CACNA2D4: variants seen among roughly 807,000 people sequenced by gnomAD.
CACNA2D4 encodes the protein calcium voltage-gated channel auxiliary subunit alpha2delta 4, also known as voltage-dependent calcium channel subunit alpha-2/delta-4.
Under a neutral mutation model 163.8 loss-of-function variants are expected in CACNA2D4, and 157 were observed. That is an observed-to-expected ratio of 0.96 (90% CI 0.84 to 1.09). CACNA2D4 has a LOEUF of 1.09. Among genes scored for constraint, CACNA2D4 ranks in the 50% least tolerant of loss-of-function variants. CACNA2D4 has a pLI of 0.00. For synonymous variants in CACNA2D4, 598 were observed against 586.9 expected, an observed-to-expected ratio of 1.02 and a Z score of -0.27; for missense variants, 1,410 against 1,479.9, an observed-to-expected ratio of 0.95 and a Z score of 0.78.
chr12:1,869,440 C>T lies in CACNA2D4; in HGVS notation c.1878+5164G>A, dbSNP rs1592722431. On this transcript the variant is annotated intron_variant, in intron 18 of 37. Transcript: ENST00000382722. The surrounding 1 kb of genome is among the most constrained non-coding windows in gnomAD (Gnocchi z 4.7). ...CCTGAGACCTAACCTGGTGAGGATGCAGCTCCTCATGGAAGGCACTGGCTC... is the reference window on the plus strand; with the variant it reads ...CCTGAGACCTAACCTGGTGAGGATGTAGCTCCTCATGGAAGGCACTGGCTC... Among the ~76,000 whole-genome samples the T allele has an allele frequency of 6.6e-6, 1 of 152,254 alleles. No homozygotes were observed. The highest frequency in any genetic ancestry group is 1.5e-5 in the Non-Finnish European group (1 of 68,048).
chr12:1,856,107 A>G lies in CACNA2D4; in HGVS notation c.2057T>C (p.Ile686Thr), dbSNP rs1865393716. 6.2e-7 allele frequency: 1 copy of G among 1,613,836 alleles called. No individual in the cohort carries two copies. The change falls in exon 22 of 38, where the codon ATC becomes ACC. Residue 686 changes from isoleucine to threonine, a missense_variant and splice_region_variant. Ile to Thr is a moderately conservative substitution (Grantham distance 89). Coordinates refer to ENST00000382722, the MANE Select transcript of CACNA2D4 (RefSeq NM_172364.5). ...TGGGTCAATATCTGTGATGCAGTAGATCCTGAAACCCAGGAAAGTCAGTGT... is the reference window on the plus strand; with the variant it reads ...TGGGTCAATATCTGTGATGCAGTAGGTCCTGAAACCCAGGAAAGTCAGTGT... Reference protein sequence around the residue: ...HPDLALAGDWIYCITDIDPDH... With the variant: ...HPDLALAGDWTYCITDIDPDH...
In CACNA2D4 at chr12:1,831,103, A is replaced by G. The variant is rs200024746; in HGVS notation, c.2551+9636T>C. The G allele has an allele frequency of 4.3e-4, 694 of 1,614,050 alleles. 2 individuals are homozygous for G. The highest frequency in any genetic ancestry group is 3.3e-3 in the Middle Eastern group (20 of 6,062). On this transcript the variant is annotated intron_variant, in intron 26 of 37. Transcript: ENST00000382722. ...CGAACCCTCTTGCTCTTGAACAATAAGCTGAGTGCCCTGCCAAGCTGGGCT... is the reference window on the plus strand; with the variant it reads ...CGAACCCTCTTGCTCTTGAACAATAGGCTGAGTGCCCTGCCAAGCTGGGCT...
At chr12:1,893,289 G>A (rs185847721) in intron 6 of CACNA2D4, among the ~76,000 whole-genome samples, 30 of 152,176 alleles carry the variant, frequency 2.0e-4, no homozygotes, top group East Asian at 7.7e-4. Flanking sequence ...GGGCTGAGGC[G>A]GGTGGATCAC....
At position 1,820,508 on chromosome 12, in the gene CACNA2D4, G is replaced by C. The variant is rs913777422; in HGVS notation, c.2552-8785C>G. ...ACTCTGGCTCGCTGCTCGCGCACAC[G>C]CGTGCGCTCTCCTCCCTCGCCCCTT... is the stretch of plus-strand genomic sequence containing the variant. On this transcript the variant is annotated intron_variant, in intron 26 of 37. Coordinates refer to ENST00000382722, the MANE Select transcript of CACNA2D4 (RefSeq NM_172364.5). The surrounding 1 kb of genome is among the most constrained non-coding windows in gnomAD (Gnocchi z 6.0). 4 of 152,338 alleles carry C rather than the reference G, an allele frequency of 2.6e-5. No individual in the cohort carries two copies. Among genetic ancestry groups the C allele is most frequent in the African/African-American group, 9.7e-5 (4 of 41,444 alleles). The allele number at this position is 152,338 out of a possible 1,614,324, so 9.4% of individuals were successfully genotyped here.
rs547345838 is a variant in CACNA2D4, at chr12:1,802,228, C to G, written c.2722-584G>C. 6.6e-6 allele frequency among the ~76,000 whole-genome samples: 1 copy of G among 152,130 alleles called. No individual in the cohort carries two copies. Among genetic ancestry groups the G allele is most frequent in the African/African-American group, 2.4e-5 (1 of 41,416 alleles). ...CCTGTGGATCGGTCATTTGTCCCCT[C>G]CATGACAATGACCTAACCGGATCCC... On this transcript the variant is annotated intron_variant, in intron 29 of 37. Transcript: ENST00000382722. The surrounding 1 kb of genome is among the most constrained non-coding windows in gnomAD (Gnocchi z 4.7).
At chr12:1,839,923 G>A (rs1864974110) in intron 26 of CACNA2D4, among the ~76,000 whole-genome samples, 1 of 152,206 alleles carries the variant, frequency 6.6e-6, no homozygotes, top group Non-Finnish European at 1.5e-5. Context: ...GGGTTGCTTT[G>A]AGCCAAACGT....
Position 1,800,376 on chromosome 12 carries a change from C to T in CACNA2D4, c.2921+10G>A, listed in dbSNP as rs1215491336. On this transcript the variant is annotated intron_variant, in intron 32 of 37. Coordinates refer to ENST00000382722, the MANE Select transcript of CACNA2D4 (RefSeq NM_172364.5). ...AGCCCTCCACCAGCCCCGTGTCTACCCCCACTCACAGCACCAGCTCCTGCA... is the reference window on the plus strand; with the variant it reads ...AGCCCTCCACCAGCCCCGTGTCTACTCCCACTCACAGCACCAGCTCCTGCA... 1.2e-6 allele frequency: 2 copies of T among 1,613,778 alleles called. No homozygotes were observed. The highest frequency in any genetic ancestry group is 1.7e-5 in the Admixed American group (1 of 60,016).
intron 26 of CACNA2D4, among the ~76,000 whole-genome samples, chr12:1,819,001 T>TAA (rs34331462): frequency 2.4e-5 from 3 of 127,562 alleles, no homozygotes; most frequent in African/African-American, 9.4e-5. Flanking sequence ...CTAAAAAAAT[T>TAA]AAAAAAAAAA....
chr12:1,793,345 C>T lies in CACNA2D4; in HGVS notation c.*310G>A, dbSNP rs916601612. 2 of 441,252 alleles carry T rather than the reference C, an allele frequency of 4.5e-6. No individual in the cohort carries two copies. Among genetic ancestry groups the T allele is most frequent in the African/African-American group, 2.0e-5 (1 of 50,790 alleles). 27.3% of individuals were successfully genotyped at this position (441,252 alleles called of 1,614,324 possible). On this transcript the variant is annotated 3_prime_UTR_variant, in exon 38 of 38. Transcript: ENST00000382722. Reference sequence around the variant, plus strand: ...TACAGGAAGAACTAAATTATTTTGTCTTGGTCCAAGCTGAGCTCACGCTGG... The same window carrying T: ...TACAGGAAGAACTAAATTATTTTGTTTTGGTCCAAGCTGAGCTCACGCTGG...
At chr12:1,824,011 G>T (rs1864217577) in intron 26 of CACNA2D4, among the ~76,000 whole-genome samples, 1 of 152,178 alleles carries the variant, frequency 6.6e-6, no homozygotes. Flanking sequence ...TTCATTTCTG[G>T]TGCCTCAGTT....
chr12:1,912,130 C>T (rs973422089), intron 3 of CACNA2D4, among the ~76,000 whole-genome samples: 5 of 152,218 alleles, frequency 3.3e-5, no homozygotes, highest in East Asian at 3.9e-4. Context: ...GGCCGCAGCT[C>T]GCCTGCCCTA....
chr12:1,796,168 G>A (rs1231165956), intron 35 of CACNA2D4, among the ~76,000 whole-genome samples: 1 of 152,210 alleles, frequency 6.6e-6, no homozygotes, highest in East Asian at 1.9e-4. Flanking sequence ...CGGGCGAAGC[G>A]GCAGCGCTGG....
At position 1,918,486 on chromosome 12, in the gene CACNA2D4, C is replaced by T; in HGVS notation, c.-13G>A. On this transcript the variant is annotated 5_prime_UTR_variant, in exon 1 of 38. Transcript: ENST00000382722. ...AGCCACAGACCATGAGCTCTGTCTG[C>T]CTTCCTCCCAGACCCCAGGACGCCC... 1 of 1,548,770 alleles carries T rather than the reference C, an allele frequency of 6.5e-7. No homozygotes were observed. The highest frequency in any genetic ancestry group is 8.7e-7 in the Non-Finnish European group (1 of 1,145,658).
rs530610185 is a variant in CACNA2D4 at position 1,850,155 on chromosome 12, C to T, written c.2247-3466G>A. Among the ~76,000 whole-genome samples, 9 of 152,262 alleles carry T rather than the reference C, an allele frequency of 5.9e-5. No individual in the cohort carries two copies. In the South Asian group the frequency reaches 1.9e-3, roughly 32 times the overall value. The stretch of plus-strand genomic sequence containing the variant: ...ATTGTGCTAGACGTCATCAAATTCC[C>T]CTCGACGGGGTTTGAAACATTTCGT... On this transcript the variant is annotated intron_variant, in intron 23 of 37. Coordinates refer to ENST00000382722, the MANE Select transcript of CACNA2D4 (RefSeq NM_172364.5).
intron 23 of CACNA2D4, 59 bp from the exon 24 acceptor site, chr12:1,846,748 G>T: frequency 7.2e-7 from 1 of 1,385,458 alleles, no homozygotes; most frequent in Non-Finnish European, 9.9e-7. Context: ...GCTTGGGGGC[G>T]ACCTGCAGGG....
chr12:1,858,780 C>T (rs1490058602), intron 19 of CACNA2D4, 136 bp from the exon 20 acceptor site: 4 of 558,176 alleles, frequency 7.2e-6, no homozygotes, highest in South Asian at 3.3e-5. Flanking sequence ...TCCTCATGCC[C>T]CCTTCTTTAC....
chr12:1,800,175 GC>G, intron 32 of CACNA2D4, 123 bp from the exon 33 acceptor site: 1 of 1,065,308 alleles, frequency 9.4e-7, no homozygotes, highest in Non-Finnish European at 1.4e-6. Flanking sequence ...CCTCTTCCCT[GC>G]TTGAGGGCTC....
In CACNA2D4 at chr12:1,851,232, T is replaced by C. The variant is rs76922035; in HGVS notation, c.2246+2719A>G. On this transcript the variant is annotated intron_variant, in intron 23 of 37. Transcript: ENST00000382722. ...AATTTATCCGTCATTCCTTTATTGCTTCTGAATTTTGAGTCATTGTTGGGA... is the reference window on the plus strand; with the variant it reads ...AATTTATCCGTCATTCCTTTATTGCCTCTGAATTTTGAGTCATTGTTGGGA... Among the ~76,000 whole-genome samples the C allele has an allele frequency of 3.5e-3, 535 of 152,366 alleles. 2 individuals are homozygous for C. Among genetic ancestry groups the C allele is most frequent in the East Asian group, 0.022 (112 of 5,182 alleles).
chr12:1,809,559 G>C (rs1293184190), intron 29 of CACNA2D4: 1 of 702,984 alleles, frequency 1.4e-6, no homozygotes, highest in East Asian at 2.7e-5. Context: ...TTCTCAGTTT[G>C]ATTCCTGGCT....
Sources: allele counts gnomAD v4.1 joint callset (sites outside exome capture counted in the v4.1 genomes callset), GRCh38; gene constraint gnomAD v4.1.1; non-coding constraint Gnocchi (gnomAD v3.1); transcripts MANE v1.5; gene names NCBI Gene and HGNC (gene_info 2026-07-23, HGNC 2026-07-21).